Variants in GLG1 observed in about 807,000 individuals in gnomAD.
GLG1 encodes Golgi apparatus protein 1.
GLG1 carries 38 observed loss-of-function variants against 160.5 expected under a neutral mutation model. That is an observed-to-expected ratio of 0.24 (90% confidence interval 0.18 to 0.31). The LOEUF (loss-of-function observed/expected upper bound fraction) is 0.31, where lower values mean the gene tolerates loss of function less well. GLG1 is among the 10% of genes least tolerant of loss of function. GLG1 has a pLI of 1.00. For synonymous variants in GLG1, 644 were observed against 543.4 expected, an observed-to-expected ratio of 1.19 and a Z score of -2.57; for missense variants, 1,373 against 1,505.2, an observed-to-expected ratio of 0.91 and a Z score of 1.45.
chr16:74,549,283 G>A (rs151277420), intron 1 of GLG1, among the ~76,000 whole-genome samples: 46 of 152,226 alleles, frequency 3.0e-4, no homozygotes, highest in Admixed American at 1.2e-3. Context: ...CCTTGCAGGT[G>A]GAATTTTGTC....
intron 1 of GLG1, among the ~76,000 whole-genome samples, chr16:74,579,234 C>A (rs561287259): frequency 6.6e-6 from 1 of 152,082 alleles, no homozygotes; most frequent in East Asian, 1.9e-4. Flanking sequence ...CATGGTGAGA[C>A]CCCATCTCTA....
intron 2 of GLG1, among the ~76,000 whole-genome samples, chr16:74,528,893 T>C (rs1432994663): frequency 6.6e-6 from 1 of 151,012 alleles, no homozygotes; most frequent in Non-Finnish European, 1.5e-5. Context: ...AATTTATGGG[T>C]TAATGCCTCT....
At position 74,504,796 on chromosome 16, in the gene GLG1, G is replaced by C. The variant is rs187028083; in HGVS notation, c.559-1050C>G. 1.3e-3 allele frequency among the ~76,000 whole-genome samples: 199 copies of C among 152,294 alleles called. 1 individual carries two copies. The highest frequency in any genetic ancestry group is 2.6e-3 in the Non-Finnish European group (177 of 68,036). On this transcript the variant is annotated intron_variant, in intron 3 of 25. Transcript: ENST00000422840. ...TTTAGACATATGATCTAGTGGATCA[G>C]GCACAGAGTGATTCTGCATGGTGGT...
intron 17 of GLG1, chr16:74,468,607 T>C (rs1422778320): frequency 8.6e-6 from 2 of 232,684 alleles, no homozygotes; most frequent in Non-Finnish European, 1.7e-5. Flanking sequence ...CCTCAAGCGA[T>C]CCACCTGCCT....
Position 74,463,438 on chromosome 16 carries a change from G to A in GLG1, c.2709C>T (p.Cys903=), listed in dbSNP as rs377073069. 455 of 1,613,350 alleles carry A rather than the reference G, an allele frequency of 2.8e-4. 1 individual carries two copies. Among genetic ancestry groups the A allele is most frequent in the Non-Finnish European group, 3.6e-4 (419 of 1,179,388 alleles). Reference sequence around the variant, plus strand: ...ATTCACTGTTTTTATTTTGCTTCAAGCACTGCAACATGGTTTTAGAATCTG... The same window carrying A: ...ATTCACTGTTTTTATTTTGCTTCAAACACTGCAACATGGTTTTAGAATCTG... ...PEADSKTMLQ[C]LKQNKNSELM... The change falls in exon 20 of 26, where the codon TGC becomes TGT. Residue 903 remains cysteine, a synonymous_variant. Coordinates refer to ENST00000422840, the MANE Select transcript of GLG1 (RefSeq NM_001145667.2).
rs2014304768 is a variant in GLG1 at position 74,451,549 on chromosome 16, TGCAGA to T, written c.*1613_*1617del. 5.9e-6 allele frequency: 1 copy of T among 170,464 alleles called. No homozygotes were observed. The highest frequency in any genetic ancestry group is 1.5e-4 in the East Asian group (1 of 6,508). The allele number at this position is 170,464 out of a possible 1,614,324, so 10.6% of individuals were successfully genotyped here. A position where few individuals can be genotyped will look rare whatever the true frequency, so the allele number is the denominator to read the frequency against. On this transcript the variant is annotated 3_prime_UTR_variant, in exon 26 of 26. Coordinates refer to ENST00000422840, the MANE Select transcript of GLG1 (RefSeq NM_001145667.2). ...CCGGTCCTGCAGTGCACGTGGACTG[TGCAGA>T]GCAGAGGCAAGAGTGGGGGGCGCCG...
At chr16:74,470,314 C>T (rs371536010) in intron 15 of GLG1, among the ~76,000 whole-genome samples, 14 of 144,244 alleles carry the variant, frequency 9.7e-5, no homozygotes, top group East Asian at 6.2e-4. Context: ...CCCTCCCTCC[C>T]TCCTTCCTTC....
chr16:74,469,805 T>C, intron 16 of GLG1, 180 bp downstream of exon 16: 1 of 596,570 alleles, frequency 1.7e-6, no homozygotes, highest in Admixed American at 2.9e-5. Flanking sequence ...AGAACTACCA[T>C]CGCCAGATGC....
At chr16:74,581,273 A>C (rs1460152453) in intron 1 of GLG1, among the ~76,000 whole-genome samples, 1 of 152,200 alleles carries the variant, frequency 6.6e-6, no homozygotes, top group Non-Finnish European at 1.5e-5. Context: ...CAGATAAACA[A>C]AATGCAGTGT....
At chr16:74,514,786 A>G (rs1298916863) in intron 2 of GLG1, among the ~76,000 whole-genome samples, 1 of 152,226 alleles carries the variant, frequency 6.6e-6, no homozygotes, top group Non-Finnish European at 1.5e-5. Context: ...ATTCACACAT[A>G]ACAATATTAA....
intron 22 of GLG1, among the ~76,000 whole-genome samples, chr16:74,460,734 G>GA (rs758333375): frequency 5.9e-5 from 9 of 152,172 alleles, no homozygotes; most frequent in South Asian, 2.1e-4. Context: ...ACACAGAGTG[G>GA]AAAATCAATA....
chr16:74,592,745 T>A (rs1054125878), intron 1 of GLG1, among the ~76,000 whole-genome samples: 1 of 152,200 alleles, frequency 6.6e-6, no homozygotes, highest in Admixed American at 6.5e-5. Flanking sequence ...GCTTTTCCTC[T>A]CATCACAAGC....
chr16:74,458,144 G>A (rs1043082639), intron 23 of GLG1, 150 bp from the exon 24 acceptor site: 2 of 648,124 alleles, frequency 3.1e-6, no homozygotes, highest in African/African-American at 1.8e-5. Flanking sequence ...AGGTGGTGAT[G>A]ATGTACAGAA....
intron 2 of GLG1, among the ~76,000 whole-genome samples, chr16:74,512,160 C>CTTTTTTTT (rs71848568): frequency 7.4e-6 from 1 of 135,850 alleles, no homozygotes; most frequent in East Asian, 2.2e-4. Context: ...TCTTTTATTT[C>CTTTTTTTT]TTTTTTTTTT....
chr16:74,488,572 C>T (rs147370439), intron 8 of GLG1, among the ~76,000 whole-genome samples: 2,962 of 151,988 alleles, frequency 0.019, 49 homozygotes, highest in Non-Finnish European at 0.029. Flanking sequence ...AAAAATAAAG[C>T]GCTTCTTCCC....
At chr16:74,491,242 T>C in intron 7 of GLG1, 27 bp from the exon 8 acceptor site, 1 of 1,492,378 alleles carries the variant, frequency 6.7e-7, no homozygotes, top group Non-Finnish European at 9.4e-7. Flanking sequence ...GTCATAACAT[T>C]ACGAAGGGTG....
At chr16:74,457,791 T>C in intron 24 of GLG1, 83 bp downstream of exon 24, 1 of 1,317,554 alleles carries the variant, frequency 7.6e-7, no homozygotes, top group Non-Finnish European at 1.1e-6. Context: ...CAGACCACAG[T>C]AGCTGCAACT....
chr16:74,462,413 G>A (rs1195334812), intron 21 of GLG1, 75 bp downstream of exon 21: 1 of 1,385,894 alleles, frequency 7.2e-7, no homozygotes, highest in South Asian at 1.2e-5. Context: ...AGCAAGCTAG[G>A]GATTTCAAAA....
At chr16:74,560,019 A>G (rs535826040) in intron 1 of GLG1, among the ~76,000 whole-genome samples, 1 of 152,348 alleles carries the variant, frequency 6.6e-6, no homozygotes, top group South Asian at 2.1e-4. Context: ...ACAATGGTAC[A>G]CATTTTATTC....
Sources: allele counts gnomAD v4.1 joint callset (sites outside exome capture counted in the v4.1 genomes callset), GRCh38; gene constraint gnomAD v4.1.1; transcripts MANE v1.5; gene names NCBI Gene and HGNC (gene_info 2026-07-23, HGNC 2026-07-21).